The following RBP3 variants were observed in gnomAD, a reference collection of about 807,000 sequenced individuals.
RBP3 encodes retinol-binding protein 3.
Under a neutral mutation model 64.8 loss-of-function variants are expected in RBP3, and 50 were observed. That is an observed-to-expected ratio of 0.77 (90% CI 0.61 to 0.98). The LOEUF (loss-of-function observed/expected upper bound fraction) is 0.98, where lower values mean the gene tolerates loss of function less well. Ranked by LOEUF, RBP3 falls within the 50% of genes least tolerant of loss-of-function variation. The pLI, the probability that RBP3 is intolerant of heterozygous loss-of-function variation, is 0.00. For synonymous variants in RBP3, 828 were observed against 730.2 expected (o/e 1.13, Z -2.16); for missense variants, 1,712 against 1,660.5 (o/e 1.03, Z -0.54).
rs1837069433 is a variant in RBP3 at position 47,357,654 on chromosome 10, A to G, written c.*197A>G. 1.9e-6 allele frequency: 1 copy of G among 539,930 alleles called. No homozygotes were observed. Among genetic ancestry groups the G allele is most frequent in the Non-Finnish European group, 3.3e-6 (1 of 305,734 alleles). 33.4% of individuals were successfully genotyped at this position (539,930 alleles called of 1,614,324 possible). A position where few individuals can be genotyped will look rare whatever the true frequency, so the allele number is the denominator to read the frequency against. ...TACACATATATATGTGTATGTATAT[A>G]TATGTATATATATATGGCTTTCCAA... On this transcript the variant is annotated 3_prime_UTR_variant, in exon 4 of 4. Coordinates refer to ENST00000584701, the MANE Select transcript of RBP3 (RefSeq NM_002900.3).
At position 47,349,177 on chromosome 10, in the gene RBP3, C is replaced by T. The variant is rs146477384; in HGVS notation, c.693C>T (p.Thr231=). 6.2e-7 allele frequency: 1 copy of T among 1,613,660 alleles called. No individual in the cohort carries two copies. Among genetic ancestry groups the T allele is most frequent in the Non-Finnish European group, 8.5e-7 (1 of 1,180,050 alleles). The change falls in exon 1 of 4, where the codon ACC becomes ACT. Residue 231 remains threonine, a synonymous_variant. Coordinates refer to ENST00000584701, the MANE Select transcript of RBP3 (RefSeq NM_002900.3). ...YGADKDVVVL[T]SSQTRGVAED... ...CCGACAAGGATGTGGTGGTCCTCAC[C>T]AGCAGCCAGACCAGGGGCGTGGCCG...
chr10:47,349,724 G>A lies in RBP3; in HGVS notation c.1240G>A (p.Glu414Lys), dbSNP rs781798348. The A allele has an allele frequency of 3.7e-6, 6 of 1,612,296 alleles. No homozygotes were observed. Among genetic ancestry groups the A allele is most frequent in the East Asian group, 4.5e-5 (2 of 44,874 alleles). The change falls in exon 1 of 4, where the codon GAG becomes AAG. Residue 414 changes from glutamate (E) to lysine (K), a missense_variant. Physicochemically the swap from Glu to Lys is moderately conservative, Grantham distance 56 (BLOSUM62 1). Transcript: ENST00000584701. Reference sequence around the variant, plus strand: ...CGAAGACTCACCAGGGGTGGCCCCAGAGTTGCCTGAGGACGAGGCTATCCG... The same window carrying A: ...CGAAGACTCACCAGGGGTGGCCCCAAAGTTGCCTGAGGACGAGGCTATCCG... ...AAEDSPGVAP[E>K]LPEDEAIRQA...
At chr10:47,355,075 C>T (rs566586419) in intron 2 of RBP3, among the ~76,000 whole-genome samples, 1 of 152,282 alleles carries the variant, frequency 6.6e-6, no homozygotes, top group Non-Finnish European at 1.5e-5. Flanking sequence ...GGAAATTTAT[C>T]AACAAGTTTC....
At chr10:47,354,328 C>T (rs1407659580) in intron 2 of RBP3, among the ~76,000 whole-genome samples, 2 of 152,296 alleles carry the variant, frequency 1.3e-5, no homozygotes, top group African/African-American at 2.4e-5. Flanking sequence ...TCCATGCTCC[C>T]GTGTTGTCTG....
rs147796755 is a variant in RBP3 at position 47,357,348 on chromosome 10, C to T, written c.3635C>T (p.Thr1212Ile). Reference sequence around the variant, plus strand: ...AGCTCCTGGGAAGGGGTGGGGGTGACACCCCATGTGGTTGTCCCTGCAGAA... The same window carrying T: ...AGCTCCTGGGAAGGGGTGGGGGTGATACCCCATGTGGTTGTCCCTGCAGAA... ...DGSSWEGVGV[T>I]PHVVVPAEEA... The change falls in exon 4 of 4, where the codon ACA becomes ATA. Residue 1212 changes from threonine (T) to isoleucine (I), a missense_variant. Coordinates refer to ENST00000584701, the MANE Select transcript of RBP3 (RefSeq NM_002900.3). 273 of 1,614,162 alleles carry T rather than the reference C, an allele frequency of 1.7e-4. 1 individual carries two copies. In the East Asian group the frequency reaches 5.4e-3, roughly 32 times the overall value.
chr10:47,349,215 A>G lies in RBP3; in HGVS notation c.731A>G (p.His244Arg). 6.2e-7 allele frequency: 1 copy of G among 1,613,504 alleles called. No homozygotes were observed. The highest frequency in any genetic ancestry group is 8.5e-7 in the Non-Finnish European group (1 of 1,180,018). Residue 244 changes from histidine to arginine, a missense_variant, in exon 1 of 4, where the codon CAC becomes CGC. Coordinates refer to ENST00000584701, the MANE Select transcript of RBP3 (RefSeq NM_002900.3). Reference protein sequence around the residue: ...QTRGVAEDIAHILKQMRRAIV... With the variant: ...QTRGVAEDIARILKQMRRAIV... Reference sequence around the variant, plus strand: ...AGGGGCGTGGCCGAGGACATCGCGCACATCCTTAAGCAGATGCGCAGGGCC... The same window carrying G: ...AGGGGCGTGGCCGAGGACATCGCGCGCATCCTTAAGCAGATGCGCAGGGCC...
Position 47,351,125 on chromosome 10 carries a change from A to G in RBP3, c.2641A>G (p.Ile881Val). 6.2e-7 allele frequency: 1 copy of G among 1,612,976 alleles called. No homozygotes were observed. Among genetic ancestry groups the G allele is most frequent in the Non-Finnish European group, 8.5e-7 (1 of 1,180,048 alleles). ...PTAGGALSVG[I>V]YQVGSSPLYA... ...GGCCGGAGGCGCACTCTCTGTGGGC[A>G]TCTACCAGGTGGGCAGCAGCCCCTT... is the stretch of plus-strand genomic sequence containing the variant. Residue 881 changes from isoleucine (I) to valine (V), a missense_variant, in exon 1 of 4, where the codon ATC becomes GTC. Coordinates refer to ENST00000584701, the MANE Select transcript of RBP3 (RefSeq NM_002900.3).
rs1837068154 is a variant in RBP3 at position 47,357,597 on chromosome 10, G to GGT, written c.*145_*146dup. ...GAGCTCTGGTTAGGTTACAGCTGGA[G>GGT]GTGTGTATATATACACACACACACA... On this transcript the variant is annotated 3_prime_UTR_variant, in exon 4 of 4. Transcript: ENST00000584701. The GGT allele has an allele frequency of 2.0e-5, 13 of 647,934 alleles. No homozygotes were observed. The highest frequency in any genetic ancestry group is 3.3e-5 in the Non-Finnish European group (12 of 367,870). The allele number at this position is 647,934 out of a possible 1,614,324, so 40.1% of individuals were successfully genotyped here. A position where few individuals can be genotyped will look rare whatever the true frequency, so the allele number is the denominator to read the frequency against.
Position 47,350,642 on chromosome 10 carries a change from G to T in RBP3, c.2158G>T (p.Val720Phe), listed in dbSNP as rs371012117. Residue 720 changes from valine to phenylalanine, a missense_variant, in exon 1 of 4, where the codon GTC becomes TTC. Physicochemically the swap from Val to Phe is conservative, Grantham distance 50. Transcript: ENST00000584701. ...GGAAGCACCCCCACCACCCCCTGCT[G>T]TCCCCTCTCCAGAGGAGCTCACCTA... ...VEEAPPPPPAVPSPEELTYLI... is the reference protein window; with the variant it reads ...VEEAPPPPPAFPSPEELTYLI... The T allele has an allele frequency of 3.3e-5, 53 of 1,612,644 alleles. No individual in the cohort carries two copies. Among genetic ancestry groups the T allele is most frequent in the Non-Finnish European group, 4.5e-5 (53 of 1,180,004 alleles).
rs1216367091 is a variant in RBP3, at chr10:47,348,565, G to A, written c.81G>A (p.Leu27=). 12 of 1,612,962 alleles carry A rather than the reference G, an allele frequency of 7.4e-6. No homozygotes were observed. The highest frequency in any genetic ancestry group is 1.0e-5 in the Non-Finnish European group (12 of 1,180,022). The change falls in exon 1 of 4, where the codon CTG becomes CTA. Residue 27 remains leucine (L), a synonymous_variant. Transcript: ENST00000584701. ...AGPTHLFQPS[L]VLDMAKVLLD... is the part of the protein sequence containing the mutation. ...CCACACACCTGTTCCAGCCAAGCCT[G>A]GTGCTGGACATGGCCAAGGTCCTCT...
At chr10:47,354,485 TAGCCCTGGCTCC>T (rs1372322388) in intron 2 of RBP3, among the ~76,000 whole-genome samples, 1 of 152,158 alleles carries the variant, frequency 6.6e-6, no homozygotes, top group Non-Finnish European at 1.5e-5. Flanking sequence ...GATAAAACAT[TAGCCCTGGCTCC>T]AGTTCTGTGT....
rs1837064224 is a variant in RBP3 at position 47,357,394 on chromosome 10, G to C, written c.3681G>C (p.Lys1227Asn). The C allele has an allele frequency of 6.2e-7, 1 of 1,614,008 alleles. No individual in the cohort carries two copies. Among genetic ancestry groups the C allele is most frequent in the Non-Finnish European group, 8.5e-7 (1 of 1,180,004 alleles). Residue 1227 changes from lysine to asparagine, a missense_variant, in exon 4 of 4, where the codon AAG (lysine) becomes AAC (asparagine). Lys to Asn is a moderately conservative substitution (Grantham distance 94). Coordinates refer to ENST00000584701, the MANE Select transcript of RBP3 (RefSeq NM_002900.3). Reference sequence around the variant, plus strand: ...CAGAAGAGGCTCTCGCCAGGGCCAAGGAGATGCTCCAGCACAACCAGCTGA... The same window carrying C: ...CAGAAGAGGCTCTCGCCAGGGCCAACGAGATGCTCCAGCACAACCAGCTGA... ...VPAEEALARA[K>N]EMLQHNQLRV...
chr10:47,349,255 G>A lies in RBP3; in HGVS notation c.771G>A (p.Glu257=), dbSNP rs782107849. The change falls in exon 1 of 4, where the codon GAG becomes GAA. Residue 257 remains glutamate (E), a synonymous_variant. Coordinates refer to ENST00000584701, the MANE Select transcript of RBP3 (RefSeq NM_002900.3). The stretch of plus-strand genomic sequence containing the variant: ...TGCGCAGGGCCATCGTGGTGGGCGA[G>A]CGGACTGGGGGAGGGGCCCTGGACC... ...KQMRRAIVVG[E]RTGGGALDLR... 6.2e-7 allele frequency: 1 copy of A among 1,613,218 alleles called. No individual in the cohort carries two copies. The highest frequency in any genetic ancestry group is 1.1e-5 in the South Asian group (1 of 91,080).
At position 47,349,895 on chromosome 10, in the gene RBP3, A is replaced by G. The variant is rs782634488; in HGVS notation, c.1411A>G (p.Thr471Ala). Reference sequence around the variant, plus strand: ...CCAGGTGTGGGAGCCGCTACAGGACACGGAGCACCTCATCATGGACCTGCG... The same window carrying G: ...CCAGGTGTGGGAGCCGCTACAGGACGCGGAGCACCTCATCATGGACCTGCG... ...LRQVWEPLQDTEHLIMDLRHN... is the reference protein window; with the variant it reads ...LRQVWEPLQDAEHLIMDLRHN... The change falls in exon 1 of 4, where the codon ACG (threonine) becomes GCG (alanine). Residue 471 changes from threonine to alanine, a missense_variant. Coordinates refer to ENST00000584701, the MANE Select transcript of RBP3 (RefSeq NM_002900.3). The G allele has an allele frequency of 1.2e-6, 2 of 1,613,104 alleles. No individual in the cohort carries two copies. The highest frequency in any genetic ancestry group is 2.2e-5 in the South Asian group (2 of 91,078).
In RBP3 at chr10:47,348,543, C is replaced by T; in HGVS notation, c.59C>T (p.Thr20Ile). Reference sequence around the variant, plus strand: ...CTGCTCTGTGGCCTGGCTGGCCCCACACACCTGTTCCAGCCAAGCCTGGTG... The same window carrying T: ...CTGCTCTGTGGCCTGGCTGGCCCCATACACCTGTTCCAGCCAAGCCTGGTG... ...SVLLCGLAGP[T>I]HLFQPSLVLD... The change falls in exon 1 of 4, where the codon ACA (threonine) becomes ATA (isoleucine). Residue 20 changes from threonine to isoleucine, a missense_variant. Coordinates refer to ENST00000584701, the MANE Select transcript of RBP3 (RefSeq NM_002900.3). 2.5e-6 allele frequency: 4 copies of T among 1,611,874 alleles called. No homozygotes were observed. In the South Asian group the frequency reaches 4.4e-5, roughly 18 times the overall value.
Position 47,350,533 on chromosome 10 carries a change from C to A in RBP3, c.2049C>A (p.Ala683=). 6.2e-7 allele frequency: 1 copy of A among 1,612,952 alleles called. No individual in the cohort carries two copies. The highest frequency in any genetic ancestry group is 1.1e-5 in the South Asian group (1 of 91,090). Residue 683 remains alanine, a synonymous_variant, in exon 1 of 4, where the codon GCC becomes GCA. Transcript: ENST00000584701. ...CAGCTGTGGACTTGGAGTCTCTGGC[C>A]TCTCAGCTCACAGCAGACCTCCAGG... ...YRTAVDLESL[A]SQLTADLQEV...
chr10:47,350,578 C>T lies in RBP3; in HGVS notation c.2094C>T (p.Arg698=). The part of the protein sequence containing the change: ...ADLQEVSGDH[R]LLVFHSPGEL... ...TCCAGGAGGTGTCTGGGGACCACCG[C>T]TTGCTAGTGTTCCACAGCCCTGGCG... The change falls in exon 1 of 4, where the codon CGC becomes CGT. Residue 698 remains arginine, a synonymous_variant. Transcript: ENST00000584701. 1 of 1,613,014 alleles carries T rather than the reference C, an allele frequency of 6.2e-7. No homozygotes were observed. The highest frequency in any genetic ancestry group is 1.1e-5 in the South Asian group (1 of 91,086).
intron 1 of RBP3, among the ~76,000 whole-genome samples, chr10:47,351,762 G>T (rs1273928892): frequency 1.3e-5 from 2 of 152,126 alleles, no homozygotes; most frequent in Non-Finnish European, 2.9e-5. Flanking sequence ...TATTAGGTTG[G>T]TGCAAAAGTA....
rs1429320138 is a variant in RBP3, at chr10:47,349,423, G to A, written c.939G>A (p.Leu313=). Residue 313 remains leucine, a synonymous_variant, in exon 1 of 4, where the codon CTG becomes CTA. Transcript: ENST00000584701. ...PCVGTPAEQA[L]EKALAILTLR... ...TGGGGACTCCGGCCGAGCAGGCCCT[G>A]GAGAAAGCCCTGGCCATCCTCACTC... The A allele has an allele frequency of 6.2e-6, 10 of 1,612,024 alleles. No individual in the cohort carries two copies. The highest frequency in any genetic ancestry group is 1.6e-4 in the Middle Eastern group (1 of 6,080).
Sources: gnomAD v4.1 joint callset for allele counts (sites outside exome capture counted in the v4.1 genomes callset) on GRCh38, gnomAD v4.1.1 for gene constraint, MANE v1.5 for transcripts, NCBI Gene and HGNC (gene_info 2026-07-23, HGNC 2026-07-21) for gene names.